The following PITPNC1 variants were observed in gnomAD, a reference collection of about 807,000 sequenced individuals.
PITPNC1 encodes the protein phosphatidylinositol transfer protein cytoplasmic 1.
Under a neutral mutation model 44.7 loss-of-function variants are expected in PITPNC1, and 18 were observed. The observed-to-expected ratio is 0.40, with a 90% CI of 0.28 to 0.60. PITPNC1 has a LOEUF of 0.60. Among genes scored for constraint, PITPNC1 ranks in the 20% least tolerant of loss-of-function variants. The pLI, the probability that PITPNC1 is intolerant of heterozygous loss-of-function variation, is 0.39. For synonymous variants in PITPNC1, 141 were observed against 149.6 expected (o/e 0.94, Z 0.42); for missense variants, 290 against 418.4 (o/e 0.69, Z 2.68).
intron 8 of PITPNC1, among the ~76,000 whole-genome samples, chr17:67,684,887 C>G (rs537494062): frequency 3.9e-5 from 6 of 152,322 alleles, no homozygotes; most frequent in Non-Finnish European, 7.4e-5. Flanking sequence ...AAGCCCCTAT[C>G]TTGACGTTGA....
intron 1 of PITPNC1, among the ~76,000 whole-genome samples, chr17:67,461,034 C>T (rs2039330388): frequency 6.6e-6 from 1 of 152,016 alleles, no homozygotes; most frequent in African/African-American, 2.4e-5. Flanking sequence ...TGAGCCACTG[C>T]GCCCGGCCAG....
At chr17:67,402,207 T>A (rs919971036) in intron 1 of PITPNC1, among the ~76,000 whole-genome samples, 3 of 152,226 alleles carry the variant, frequency 2.0e-5, no homozygotes, top group Non-Finnish European at 4.4e-5. Flanking sequence ...ACACTGAAAT[T>A]TGAATTTCAT....
intron 4 of PITPNC1, among the ~76,000 whole-genome samples, chr17:67,571,655 G>A (rs1018459242): frequency 1.3e-5 from 2 of 152,200 alleles, no homozygotes; most frequent in African/African-American, 4.8e-5. Flanking sequence ...AAGGACGAAG[G>A]TCGCGTTTTC....
intron 8 of PITPNC1, among the ~76,000 whole-genome samples, chr17:67,686,191 TG>T (rs1425475036): frequency 1.3e-5 from 2 of 150,822 alleles, no homozygotes; most frequent in Admixed American, 1.3e-4. Flanking sequence ...ATTGACATTT[TG>T]GACCAGATAA....
At chr17:67,470,016 GGGTTCAA>G (rs2039494267) in intron 1 of PITPNC1, among the ~76,000 whole-genome samples, 1 of 152,018 alleles carries the variant, frequency 6.6e-6, no homozygotes, top group Non-Finnish European at 1.5e-5. Flanking sequence ...TCCGCCTCCT[GGGTTCAA>G]GCGATTCTCC....
intron 5 of PITPNC1, among the ~76,000 whole-genome samples, chr17:67,584,940 C>T (rs1446230395): frequency 6.6e-6 from 1 of 151,882 alleles, no homozygotes; most frequent in African/African-American, 2.4e-5. Context: ...CATAGAGAAA[C>T]CCCATCTGTA....
intron 1 of PITPNC1, among the ~76,000 whole-genome samples, chr17:67,517,553 T>C (rs1476954021): frequency 6.6e-6 from 1 of 152,230 alleles, no homozygotes; most frequent in Non-Finnish European, 1.5e-5. Flanking sequence ...AAATGTGGTA[T>C]ATCCATACAA....
intron 1 of PITPNC1, among the ~76,000 whole-genome samples, chr17:67,390,342 G>C (rs1312539837): frequency 6.6e-6 from 1 of 152,174 alleles, no homozygotes; most frequent in East Asian, 1.9e-4. Flanking sequence ...AACCTTTCTT[G>C]TCAGAACTCA....
intron 2 of PITPNC1, among the ~76,000 whole-genome samples, chr17:67,548,867 T>C (rs887153476): frequency 1.3e-5 from 2 of 152,166 alleles, no homozygotes; most frequent in Admixed American, 6.5e-5. Context: ...GACTTTTTCT[T>C]GGAATTGTAG....
intron 5 of PITPNC1, 79 bp downstream of exon 5, chr17:67,578,336 C>T: frequency 1.0e-6 from 1 of 971,742 alleles, no homozygotes; most frequent in African/African-American, 1.6e-5. Flanking sequence ...CCCTCTGTGA[C>T]CAGGGCCAGC....
intron 5 of PITPNC1, among the ~76,000 whole-genome samples, chr17:67,607,465 A>G (rs1315439197): frequency 1.3e-5 from 2 of 152,194 alleles, no homozygotes; most frequent in African/African-American, 4.8e-5. Context: ...CTCAGAGGCT[A>G]AGTGACGTGC....
chr17:67,497,113 G>A (rs2039962296), intron 1 of PITPNC1, among the ~76,000 whole-genome samples: 1 of 152,014 alleles, frequency 6.6e-6, no homozygotes, highest in Non-Finnish European at 1.5e-5. Flanking sequence ...CTCCAGCCTG[G>A]GCAACACAGT....
intron 5 of PITPNC1, among the ~76,000 whole-genome samples, chr17:67,593,658 T>G (rs1349975118): frequency 6.6e-6 from 1 of 152,196 alleles, no homozygotes; most frequent in Non-Finnish European, 1.5e-5. Context: ...CTTGACCTTC[T>G]AAAGTGCTGA....
chr17:67,685,273 G>C (rs1319242576), intron 8 of PITPNC1, among the ~76,000 whole-genome samples: 1 of 152,238 alleles, frequency 6.6e-6, no homozygotes, highest in African/African-American at 2.4e-5. Context: ...CCAAGCTGCT[G>C]CTTAGCATTC....
At chr17:67,665,898 T>A (rs973750668) in intron 6 of PITPNC1, among the ~76,000 whole-genome samples, 3 of 151,112 alleles carry the variant, frequency 2.0e-5, no homozygotes, top group African/African-American at 7.3e-5. Flanking sequence ...TGGAGTGCAG[T>A]GGCACAATCT....
intron 1 of PITPNC1, among the ~76,000 whole-genome samples, chr17:67,397,976 C>G (rs1158869299): frequency 1.3e-5 from 2 of 151,904 alleles, no homozygotes; most frequent in East Asian, 3.9e-4. Flanking sequence ...ACCTGTAGTC[C>G]CAACTACTCG....
chr17:67,645,793 G>A (rs1376426110), intron 6 of PITPNC1, among the ~76,000 whole-genome samples: 1 of 152,158 alleles, frequency 6.6e-6, no homozygotes, highest in Admixed American at 6.5e-5. Context: ...ATTTGGGGGT[G>A]GCTTCAGATT....
intron 1 of PITPNC1, among the ~76,000 whole-genome samples, chr17:67,442,103 A>C (rs943748036): frequency 8.0e-5 from 12 of 150,766 alleles, no homozygotes; most frequent in African/African-American, 2.7e-4. Context: ...TTAACCATCT[A>C]AACTTTTACT....
At chr17:67,584,525 G>T (rs2041284350) in intron 5 of PITPNC1, among the ~76,000 whole-genome samples, 1 of 152,020 alleles carries the variant, frequency 6.6e-6, no homozygotes, top group African/African-American at 2.4e-5. Flanking sequence ...TAAGCCTAAG[G>T]CTTGGTTTCT....
Sources: gnomAD v4.1 joint callset for allele counts (sites outside exome capture counted in the v4.1 genomes callset) on GRCh38, gnomAD v4.1.1 for gene constraint, MANE v1.5 for transcripts, NCBI Gene and HGNC (gene_info 2026-07-23, HGNC 2026-07-21) for gene names.